PRKN: variants seen among roughly 807,000 people sequenced by gnomAD.
PRKN encodes the protein parkin RBR E3 ubiquitin protein ligase.
PRKN carries 56 observed loss-of-function variants against 59.5 expected under a neutral mutation model. The ratio of observed to expected loss-of-function variants is 0.94; its 90% CI spans 0.76 to 1.18. PRKN has a LOEUF of 1.18. Ranked by LOEUF, PRKN falls within the 50% of genes most tolerant of loss-of-function variation. PRKN has a pLI of 0.00. For synonymous variants in PRKN, 250 were observed against 222.1 expected (o/e 1.13, Z -1.12); for missense variants, 657 against 596.4 (o/e 1.10, Z -1.06).
At chr6:162,170,531 TC>T (rs1294754926) in intron 4 of PRKN, among the ~76,000 whole-genome samples, 2 of 152,194 alleles carry the variant, frequency 1.3e-5, no homozygotes. Flanking sequence ...GATATTATTT[TC>T]CCCTAATAAA....
At chr6:162,266,669 T>TG (rs1780151797) in intron 2 of PRKN, among the ~76,000 whole-genome samples, 1 of 152,174 alleles carries the variant, frequency 6.6e-6, no homozygotes. Context: ...TTTTGGCAAA[T>TG]GATTCTTCCT....
intron 9 of PRKN, among the ~76,000 whole-genome samples, chr6:161,481,280 CAG>C (rs1791383498): frequency 6.6e-6 from 1 of 152,092 alleles, no homozygotes; most frequent in African/African-American, 2.4e-5. Context: ...GTACCCAGTA[CAG>C]GGGGCAGAAG....
intron 5 of PRKN, among the ~76,000 whole-genome samples, chr6:162,053,380 G>T: frequency 6.6e-6 from 1 of 152,278 alleles, no homozygotes; most frequent in Non-Finnish European, 1.5e-5. Flanking sequence ...CTCAGGAAAT[G>T]TATACAGTTA....
chr6:161,495,223 C>T (rs1583151278), intron 9 of PRKN, among the ~76,000 whole-genome samples: 2 of 152,180 alleles, frequency 1.3e-5, no homozygotes, highest in African/African-American at 4.8e-5. Flanking sequence ...CTTCGGACTA[C>T]CCACATTTTG....
rs554776036 is a variant in PRKN, at chr6:162,227,269, T to C, written c.413-26017A>G. On this transcript the variant is annotated intron_variant, in intron 3 of 11. Coordinates refer to ENST00000366898, the MANE Select transcript of PRKN (RefSeq NM_004562.3). ...ACTCATTGACTATTGCATTCATTTTTAGCTATGCAACACTTTGAAAATAAG... is the reference window on the plus strand; with the variant it reads ...ACTCATTGACTATTGCATTCATTTTCAGCTATGCAACACTTTGAAAATAAG... 3.9e-5 allele frequency among the ~76,000 whole-genome samples: 6 copies of C among 152,324 alleles called. No individual in the cohort carries two copies. The East Asian group carries it at 1.2e-3, about 29-fold the overall frequency.
At chr6:161,491,658 T>G (rs1777562376) in intron 9 of PRKN, among the ~76,000 whole-genome samples, 1 of 151,482 alleles carries the variant, frequency 6.6e-6, no homozygotes, top group African/African-American at 2.4e-5. Flanking sequence ...TGAGATGAAG[T>G]CTTTCTCTGT....
At chr6:162,710,041 G>C (rs1409456352) in intron 1 of PRKN, among the ~76,000 whole-genome samples, 1 of 152,110 alleles carries the variant, frequency 6.6e-6, no homozygotes, top group Non-Finnish European at 1.5e-5. Flanking sequence ...ATCATGACAA[G>C]GGGGCAGCAA....
chr6:162,450,499 G>A (rs1279033394), intron 1 of PRKN, among the ~76,000 whole-genome samples: 3 of 151,720 alleles, frequency 2.0e-5, no homozygotes, highest in Admixed American at 6.6e-5. Flanking sequence ...CCTGACAGGC[G>A]CTACCGCAGC....
chr6:161,843,038 A>C (rs1161406046), intron 6 of PRKN, among the ~76,000 whole-genome samples: 1 of 152,214 alleles, frequency 6.6e-6, no homozygotes, highest in Non-Finnish European at 1.5e-5. Context: ...GGAGGAGAGA[A>C]GTCTGAGGGA....
At chr6:162,309,331 A>G (rs1483176248) in intron 2 of PRKN, among the ~76,000 whole-genome samples, 10 of 151,946 alleles carry the variant, frequency 6.6e-5, no homozygotes. Flanking sequence ...TGGCCAACTA[A>G]TTTTTGTATT....
intron 1 of PRKN, among the ~76,000 whole-genome samples, chr6:162,624,116 C>T (rs1026255704): frequency 2.6e-5 from 4 of 151,832 alleles, no homozygotes; most frequent in African/African-American, 4.8e-5. Context: ...GGCATGGTGC[C>T]GCATCCCTGT....
intron 3 of PRKN, among the ~76,000 whole-genome samples, chr6:162,210,354 A>G (rs1166390879): frequency 1.3e-5 from 2 of 152,124 alleles, no homozygotes. Flanking sequence ...AATGTCTGCT[A>G]TACATGGAAT....
chr6:162,621,770 C>T (rs1210904856), intron 1 of PRKN, among the ~76,000 whole-genome samples: 1 of 151,954 alleles, frequency 6.6e-6, no homozygotes, highest in Admixed American at 6.6e-5. Context: ...GTTCCATTTC[C>T]TTATCTTTCT....
chr6:162,653,603 C>A (rs1778529548), intron 1 of PRKN, among the ~76,000 whole-genome samples: 1 of 152,018 alleles, frequency 6.6e-6, no homozygotes, highest in African/African-American at 2.4e-5. Context: ...TGGGTCTGAT[C>A]CTCAATTCCT....
chr6:162,415,760 T>C (rs548269460), intron 2 of PRKN, among the ~76,000 whole-genome samples: 1 of 152,244 alleles, frequency 6.6e-6, no homozygotes, highest in South Asian at 2.1e-4. Flanking sequence ...GAGGATGCAG[T>C]GAGCCCAAAT....
At chr6:161,950,480 G>A (rs1364978772) in intron 6 of PRKN, among the ~76,000 whole-genome samples, 8 of 152,152 alleles carry the variant, frequency 5.3e-5, no homozygotes, top group Admixed American at 5.2e-4. Flanking sequence ...GGAGGCAGAT[G>A]TTTAAGTGAA....
At chr6:161,586,034 AG>A (rs1562542548) in intron 7 of PRKN, among the ~76,000 whole-genome samples, 1 of 152,126 alleles carries the variant, frequency 6.6e-6, no homozygotes, top group Non-Finnish European at 1.5e-5. Flanking sequence ...TTTAAAAAAA[AG>A]AACAGTTAGG....
At chr6:161,564,318 C>T (rs1780558997) in intron 8 of PRKN, among the ~76,000 whole-genome samples, 1 of 152,160 alleles carries the variant, frequency 6.6e-6, no homozygotes, top group South Asian at 2.1e-4. Flanking sequence ...CAAAGAATGC[C>T]TGACTCCTGT....
At chr6:161,904,514 A>G (rs902436437) in intron 6 of PRKN, among the ~76,000 whole-genome samples, 1 of 151,922 alleles carries the variant, frequency 6.6e-6, no homozygotes, top group African/African-American at 2.4e-5. Flanking sequence ...ACGGGGTTTC[A>G]CTGTGTCAGC....
Sources: gnomAD v4.1 joint callset for allele counts (sites outside exome capture counted in the v4.1 genomes callset) on GRCh38, gnomAD v4.1.1 for gene constraint, MANE v1.5 for transcripts, NCBI Gene and HGNC (gene_info 2026-07-23, HGNC 2026-07-21) for gene names.